NR2C1: variants seen among roughly 807,000 people sequenced by gnomAD.
NR2C1 encodes TR2 nuclear hormone receptor.
NR2C1 carries 33 observed loss-of-function variants against 74.8 expected under a neutral mutation model. The observed-to-expected ratio is 0.44, with a 90% CI of 0.33 to 0.59. NR2C1 has a LOEUF of 0.59. Ranked by LOEUF, NR2C1 falls within the 20% of genes least tolerant of loss-of-function variation. The pLI is 0.02. For missense variants in NR2C1, 568 were observed against 715.6 expected, an observed-to-expected ratio of 0.79 and a Z score of 2.35; for synonymous variants, 225 against 240.6, an observed-to-expected ratio of 0.94 and a Z score of 0.60.
chr12:95,025,842 C>T (rs2136091051), intron 12 of NR2C1, among the ~76,000 whole-genome samples: 1 of 151,270 alleles, frequency 6.6e-6, no homozygotes, highest in South Asian at 2.1e-4. Flanking sequence ...TCTCTCCATT[C>T]CAAAAGTAGT....
At chr12:95,036,272 T>A (rs1230540330) in intron 10 of NR2C1, among the ~76,000 whole-genome samples, 9 of 127,222 alleles carry the variant, frequency 7.1e-5, no homozygotes, top group Non-Finnish European at 8.1e-5. Flanking sequence ...ATGTTGAGAT[T>A]AAAAAAAAAA....
intron 8 of NR2C1, among the ~76,000 whole-genome samples, chr12:95,050,881 C>T (rs1872909340): frequency 6.6e-6 from 1 of 152,058 alleles, no homozygotes; most frequent in Non-Finnish European, 1.5e-5. Flanking sequence ...GTTGATTAAA[C>T]TAAACCTTTT....
intron 8 of NR2C1, among the ~76,000 whole-genome samples, chr12:95,050,539 C>A (rs1872840255): frequency 6.6e-6 from 1 of 152,058 alleles, no homozygotes; most frequent in Non-Finnish European, 1.5e-5. Context: ...AAACTCCTGA[C>A]CTCAGGTGAT....
At chr12:95,065,555 A>C (rs1284861915) in intron 2 of NR2C1, among the ~76,000 whole-genome samples, 1 of 152,170 alleles carries the variant, frequency 6.6e-6, no homozygotes, top group Non-Finnish European at 1.5e-5. Context: ...CAGGCAATAC[A>C]TAATAATCAC....
chr12:95,038,507 C>T (rs1871136540), intron 10 of NR2C1, among the ~76,000 whole-genome samples: 1 of 152,236 alleles, frequency 6.6e-6, no homozygotes, highest in South Asian at 2.1e-4. Context: ...CCTATAACAC[C>T]AGCACTTTGG....
chr12:95,055,952 C>CAAA (rs3048563), intron 7 of NR2C1, among the ~76,000 whole-genome samples: 1,224 of 56,304 alleles, frequency 0.022, 64 homozygotes, highest in African/African-American at 0.073. Flanking sequence ...GACTCCGTCT[C>CAAA]AAAAAAAAAA....
At chr12:95,030,976 T>G in intron 11 of NR2C1, 1 of 967,746 alleles carries the variant, frequency 1.0e-6, no homozygotes, top group East Asian at 2.6e-5. Context: ...CAACCTATCT[T>G]AGGATTCAAA....
rs796426056 is a variant in NR2C1, at chr12:95,068,458, A to G, written c.-7-1067T>C. On this transcript the variant is annotated intron_variant, in intron 1 of 13. Transcript: ENST00000333003. ...ACCCAATAAGGAACATGCAAGATCTAGGTAGGCAAATAAAACTTTAAAATG... is the reference window on the plus strand; with the variant it reads ...ACCCAATAAGGAACATGCAAGATCTGGGTAGGCAAATAAAACTTTAAAATG... Among the ~76,000 whole-genome samples the G allele has an allele frequency of 9.2e-5, 14 of 152,296 alleles. 1 individual carries two copies. The highest frequency in any genetic ancestry group is 3.4e-4 in the African/African-American group (14 of 41,556).
intron 13 of NR2C1, among the ~76,000 whole-genome samples, chr12:95,023,298 T>G (rs1475580330): frequency 1.3e-5 from 2 of 152,032 alleles, no homozygotes; most frequent in Non-Finnish European, 2.9e-5. Context: ...TCATGAGAAT[T>G]GCTTGAACCT....
chr12:95,038,962 C>T (rs902007098), intron 10 of NR2C1, among the ~76,000 whole-genome samples: 23 of 152,114 alleles, frequency 1.5e-4, no homozygotes, highest in African/African-American at 5.1e-4. Context: ...ACACACTGGA[C>T]GTTGGGCGAG....
chr12:95,025,658 TAAAAAAAAAAA>T (rs11291964), intron 12 of NR2C1, among the ~76,000 whole-genome samples: 1 of 86,562 alleles, frequency 1.2e-5, no homozygotes, highest in African/African-American at 4.6e-5. Flanking sequence ...AACTCTGTCT[TAAAAAAAAAAA>T]AAAAAAAAAA....
chr12:95,030,713 G>C, intron 11 of NR2C1: 1 of 1,601,780 alleles, frequency 6.2e-7, no homozygotes, highest in Non-Finnish European at 8.5e-7. Context: ...CTAAAAGGTA[G>C]TCCCCAATTT....
chr12:95,057,098 A>ATTTTTT (rs1184465413), intron 7 of NR2C1, among the ~76,000 whole-genome samples: 4 of 111,554 alleles, frequency 3.6e-5, no homozygotes, highest in African/African-American at 6.9e-5. Flanking sequence ...AACATTTCTG[A>ATTTTTT]TTTTTTTTTT....
At chr12:95,030,675 A>G (rs1401783705) in intron 11 of NR2C1, 3 of 1,606,116 alleles carry the variant, frequency 1.9e-6, no homozygotes, top group Non-Finnish European at 2.6e-6. Context: ...ATTATATAAA[A>G]CAATAAGAAA....
At chr12:95,059,865 A>ATTT (rs762627758) in intron 4 of NR2C1, 41 bp downstream of exon 4, 1 of 1,283,114 alleles carries the variant, frequency 7.8e-7, no homozygotes, top group South Asian at 1.4e-5. Flanking sequence ...ATAGGAGGTT[A>ATTT]TTTTTTTTTT....
intron 8 of NR2C1, chr12:95,049,483 AAT>A (rs1185254355): frequency 2.1e-5 from 7 of 329,716 alleles, no homozygotes; most frequent in South Asian, 1.0e-4. Context: ...TTCATATAAT[AAT>A]ATGTTTTTAA....
chr12:95,037,463 T>G (rs952732957), intron 10 of NR2C1, among the ~76,000 whole-genome samples: 5 of 152,344 alleles, frequency 3.3e-5, no homozygotes, highest in African/African-American at 1.2e-4. Context: ...ATGCACTGTT[T>G]AGTAAAATTA....
At chr12:95,029,115 T>C (rs1223526699) in intron 11 of NR2C1, among the ~76,000 whole-genome samples, 1 of 152,214 alleles carries the variant, frequency 6.6e-6, no homozygotes, top group Admixed American at 6.5e-5. Context: ...AGGGTCTCGC[T>C]CTGTTGCCCA....
rs182342959 is a variant in NR2C1, at chr12:95,071,177, G to A, written c.-8+2203C>T. On this transcript the variant is annotated intron_variant, in intron 1 of 13. Transcript: ENST00000333003. ...GATCGTGCCATTGCACTCCAGCTTG[G>A]GAAACAAGGGCAAAACTCCGTCTCA... Among the ~76,000 whole-genome samples, 684 of 151,234 alleles carry A rather than the reference G, an allele frequency of 4.5e-3. 2 individuals carry two copies. Among genetic ancestry groups the A allele is most frequent in the Non-Finnish European group, 6.7e-3 (454 of 67,944 alleles).
Sources: gnomAD v4.1 joint callset for allele counts (sites outside exome capture counted in the v4.1 genomes callset) on GRCh38, gnomAD v4.1.1 for gene constraint, MANE v1.5 for transcripts, NCBI Gene and HGNC (gene_info 2026-07-23, HGNC 2026-07-21) for gene names.